Variants in POTEE observed in about 807,000 individuals in gnomAD.
The protein encoded by POTEE is ANKRD26-like family C member 1A.
A neutral mutation model predicts 74.2 loss-of-function variants in POTEE; 21 were observed. That is an observed-to-expected ratio of 0.28 (90% confidence interval 0.20 to 0.41). The LOEUF (loss-of-function observed/expected upper bound fraction) is 0.41, where lower values mean the gene tolerates loss of function less well. Ranked by LOEUF, POTEE falls within the 10% of genes least tolerant of loss-of-function variation. POTEE has a pLI of 1.00. For missense variants in POTEE, 525 were observed against 1,158.6 expected, an observed-to-expected ratio of 0.45 and a Z score of 7.94; for synonymous variants, 211 against 432.8, an observed-to-expected ratio of 0.49 and a Z score of 6.36.
At chr2:131,226,759 A>G in intron 6 of POTEE, 64 bp from the exon 7 acceptor site, 1 of 1,607,154 alleles carries the variant, frequency 6.2e-7, no homozygotes, top group Non-Finnish European at 8.5e-7. Flanking sequence ...TAAAGTTTCC[A>G]CTTTGGTTGA....
chr2:131,263,952 T>C lies in POTEE; in HGVS notation c.2497T>C (p.Tyr833His), dbSNP rs770349081. 2 of 1,614,214 alleles carry C rather than the reference T, an allele frequency of 1.2e-6. No homozygotes were observed. Among genetic ancestry groups the C allele is most frequent in the South Asian group, 2.2e-5 (2 of 91,084 alleles). The stretch of plus-strand genomic sequence containing the variant: ...TGAGACCTTCAACACCCCAGCCATG[T>C]ACGTGGCCATCCAGGCCGTGCCGTC... Reference protein sequence around the residue: ...MFETFNTPAMYVAIQAVPSLY... With the variant: ...MFETFNTPAMHVAIQAVPSLY... The change falls in exon 18 of 18, where the codon TAC becomes CAC. Residue 833 changes from tyrosine (Y) to histidine (H), a missense_variant. Coordinates refer to ENST00000683005, the MANE Select transcript of POTEE (RefSeq NM_001083538.3).
chr2:131,211,520 C>CTTTGTGTGTGTGTGTGTGTGTGTG (rs1553474098), intron 2 of POTEE, among the ~76,000 whole-genome samples: 3 of 50,264 alleles, frequency 6.0e-5, no homozygotes, highest in Non-Finnish European at 1.2e-4. Flanking sequence ...TAGGGGGTGA[C>CTTTGTGTGTGTGTGTGTGTGTGTG]TGTGTGTGTG....
intron 2 of POTEE, among the ~76,000 whole-genome samples, chr2:131,212,302 C>G (rs1456401693): frequency 1.3e-5 from 2 of 151,450 alleles, no homozygotes; most frequent in African/African-American, 4.9e-5. Context: ...TCCTACTGCT[C>G]AAGGTCATTA....
At chr2:131,211,583 C>T (rs190457991) in intron 2 of POTEE, among the ~76,000 whole-genome samples, 4,244 of 102,610 alleles carry the variant, frequency 0.041, 200 homozygotes, top group African/African-American at 0.14. Flanking sequence ...GACAGAGTCT[C>T]GCTCTTTTGC....
At chr2:131,220,974 G>GAA (rs1200075899) in intron 4 of POTEE, among the ~76,000 whole-genome samples, 1 of 116,294 alleles carries the variant, frequency 8.6e-6, no homozygotes, top group African/African-American at 2.9e-5. Flanking sequence ...AAAAAAAAAA[G>GAA]AAAAAAAAAA....
chr2:131,210,274 C>T (rs1700329563), intron 1 of POTEE, among the ~76,000 whole-genome samples: 1 of 70,308 alleles, frequency 1.4e-5, no homozygotes, highest in Non-Finnish European at 2.5e-5. Context: ...GCAGCAACAC[C>T]TGTGGCTGGG....
Position 131,263,994 on chromosome 2 carries a change from C to T in POTEE, c.2539C>T (p.Arg847Cys), listed in dbSNP as rs768915588. The change falls in exon 18 of 18, where the codon CGT becomes TGT. Residue 847 changes from arginine (R) to cysteine (C), a missense_variant. By Grantham distance (180) the Arg-to-Cys change is radical. Transcript: ENST00000683005. ...QAVPSLYTSGRTTGIVMDSGD... is the reference protein window; with the variant it reads ...QAVPSLYTSGCTTGIVMDSGD... ...CGTGCCGTCCCTGTACACCTCTGGC[C>T]GTACTACTGGCATCGTGATGGACTC... 1.2e-5 allele frequency: 19 copies of T among 1,614,086 alleles called. 1 individual carries two copies. Among genetic ancestry groups the T allele is most frequent in the South Asian group, 5.5e-5 (5 of 91,092 alleles).
intron 17 of POTEE, among the ~76,000 whole-genome samples, chr2:131,262,769 G>T (rs2087740634): frequency 6.6e-6 from 1 of 152,286 alleles, no homozygotes; most frequent in Admixed American, 6.5e-5. Context: ...GAAGGGTACA[G>T]TGCTTAGATT....
In POTEE at chr2:131,224,852, C is replaced by T. The variant is rs573289942; in HGVS notation, c.810+809C>T. Among the ~76,000 whole-genome samples the T allele has an allele frequency of 9.9e-4, 150 of 152,054 alleles. 1 individual carries two copies. Among genetic ancestry groups the T allele is most frequent in the African/African-American group, 3.4e-3 (139 of 41,420 alleles). On this transcript the variant is annotated intron_variant, in intron 6 of 17. Coordinates refer to ENST00000683005, the MANE Select transcript of POTEE (RefSeq NM_001083538.3). ...ATCAAGTAATTAACTGACTTAGTAT[C>T]CTATTCTGGTAGAAATGGCCAATTA...
At chr2:131,220,789 A>G (rs932489433) in intron 4 of POTEE, among the ~76,000 whole-genome samples, 2 of 151,914 alleles carry the variant, frequency 1.3e-5, no homozygotes, top group East Asian at 3.9e-4. Flanking sequence ...GTGAAATCCC[A>G]TCTCTACTAA....
At chr2:131,225,267 G>C (rs1700746230) in intron 6 of POTEE, among the ~76,000 whole-genome samples, 1 of 152,086 alleles carries the variant, frequency 6.6e-6, no homozygotes, top group East Asian at 1.9e-4. Context: ...CTTGAAGCCA[G>C]GCATGGTGGT....
intron 4 of POTEE, among the ~76,000 whole-genome samples, chr2:131,221,689 G>T (rs1184763248): frequency 6.6e-6 from 1 of 152,116 alleles, no homozygotes; most frequent in Non-Finnish European, 1.5e-5. Context: ...AGATTTTATT[G>T]TATATACATT....
rs562293202 is a variant in POTEE, at chr2:131,231,012, G to A, written c.1126+106G>A. 1.1e-4 allele frequency: 109 copies of A among 1,022,098 alleles called. No individual in the cohort carries two copies. The East Asian group carries it at 2.4e-3, about 23-fold the overall frequency. The allele number at this position is 1,022,098 out of a possible 1,614,324, so 63.3% of individuals were successfully genotyped here. On this transcript the variant is annotated intron_variant, in intron 9 of 17. Coordinates refer to ENST00000683005, the MANE Select transcript of POTEE (RefSeq NM_001083538.3). ...TTTTTCCATGGGCTGGGGGAGGGTGGGGATGGTTTCAGGATTATTCAATCA... is the reference window on the plus strand; with the variant it reads ...TTTTTCCATGGGCTGGGGGAGGGTGAGGATGGTTTCAGGATTATTCAATCA...
Position 131,263,778 on chromosome 2 carries a change from A to G in POTEE, c.2323A>G (p.Ile775Val). The change falls in exon 18 of 18, where the codon ATC becomes GTC. Residue 775 changes from isoleucine (I) to valine (V), a missense_variant. Transcript: ENST00000683005. ...LTLKYPMEHG[I>V]ITNWDDMEKI... Reference sequence around the variant, plus strand: ...CCTGAAGTACCCCATGGAACACGGCATCATCACCAACTGGGATGACATGGA... The same window carrying G: ...CCTGAAGTACCCCATGGAACACGGCGTCATCACCAACTGGGATGACATGGA... 4 of 1,613,312 alleles carry G rather than the reference A, an allele frequency of 2.5e-6. No individual in the cohort carries two copies. Among genetic ancestry groups the G allele is most frequent in the Non-Finnish European group, 3.4e-6 (4 of 1,179,956 alleles).
In POTEE at chr2:131,210,332, GT is replaced by G. The variant is rs1417038569; in HGVS notation, c.-345+515del. 2.0e-3 allele frequency among the ~76,000 whole-genome samples: 261 copies of G among 131,428 alleles called. 1 individual carries two copies. Among genetic ancestry groups the G allele is most frequent in the African/African-American group, 7.1e-3 (240 of 33,836 alleles). The allele number at this position is 131,428 out of a possible 152,430, so 86.2% of individuals were successfully genotyped here. ...TGCTACACTGCCTGTGGAAGGGGTG[GT>G]TGGGGGGGGGTATTGGGGTTACACT... On this transcript the variant is annotated intron_variant, in intron 1 of 17. Transcript: ENST00000683005.
At chr2:131,210,537 C>A (rs72984331) in intron 1 of POTEE, among the ~76,000 whole-genome samples, 3,196 of 152,034 alleles carry the variant, frequency 0.021, 127 homozygotes, top group African/African-American at 0.07. Context: ...CTTCTCTTTT[C>A]CAGACTCCAG....
chr2:131,248,827 A>C (rs1573731520), intron 13 of POTEE, among the ~76,000 whole-genome samples: 1 of 150,792 alleles, frequency 6.6e-6, no homozygotes, highest in African/African-American at 2.4e-5. Flanking sequence ...GTATGAAGGC[A>C]GCACAGCAAA....
chr2:131,223,584 T>C lies in POTEE; in HGVS notation c.522-12T>C. 6.8e-6 allele frequency: 11 copies of C among 1,612,338 alleles called. No individual in the cohort carries two copies. Among genetic ancestry groups the C allele is most frequent in the Non-Finnish European group, 8.5e-6 (10 of 1,179,842 alleles). On this transcript the variant is annotated splice_polypyrimidine_tract_variant and intron_variant, in intron 4 of 17. Coordinates refer to ENST00000683005, the MANE Select transcript of POTEE (RefSeq NM_001083538.3). ...CACTACAATTTCCTAAAAAGTCTTG[T>C]CACTCTCATAGGACTGCTCTACATC...
intron 9 of POTEE, among the ~76,000 whole-genome samples, chr2:131,236,294 G>A (rs990988538): frequency 2.6e-4 from 39 of 152,084 alleles, no homozygotes; most frequent in Non-Finnish European, 5.0e-4. Flanking sequence ...GTGGGCTCTA[G>A]CTTCTCAGGC....
Sources: gnomAD v4.1 joint callset for allele counts (sites outside exome capture counted in the v4.1 genomes callset) on GRCh38, gnomAD v4.1.1 for gene constraint, MANE v1.5 for transcripts, NCBI Gene and HGNC (gene_info 2026-07-23, HGNC 2026-07-21) for gene names.